The following PDE12 variants were observed in gnomAD, a reference collection of about 807,000 sequenced individuals.
PDE12 encodes the protein 2',5'-phosphodiesterase 12.
PDE12 carries 26 observed loss-of-function variants against 45.4 expected under a neutral mutation model. The ratio of observed to expected loss-of-function variants is 0.57; its 90% CI spans 0.42 to 0.79. The LOEUF (loss-of-function observed/expected upper bound fraction) is 0.79, where lower values mean the gene tolerates loss of function less well. PDE12 is among the 30% of genes least tolerant of loss of function. The probability of loss-of-function intolerance (pLI) is 0.00; values close to 1 mark genes in which losing one functional copy is unlikely to be tolerated. For missense variants in PDE12, 668 were observed against 790.0 expected, an observed-to-expected ratio of 0.85 and a Z score of 1.85; for synonymous variants, 283 against 323.9, an observed-to-expected ratio of 0.87 and a Z score of 1.36.
At chr3:57,590,145 A>G in the PDE12 span, among the ~76,000 whole-genome samples, 1 of 145,864 alleles carries the variant, frequency 6.9e-6, no homozygotes, top group Non-Finnish European at 1.5e-5. Flanking sequence ...AACAAAAAAC[A>G]AAAAAAGAAC....
rs200174473 is a variant in PDE12, at chr3:57,556,754, G to T, written c.375G>T (p.Leu125=). 89 of 1,605,194 alleles carry T rather than the reference G, an allele frequency of 5.5e-5. No homozygotes were observed. In the South Asian group the frequency reaches 7.2e-4, roughly 13 times the overall value. ...TGTTCTGCGAGCCCGTGGTGAAGCT[G>T]TACTACCGGGAAGAGGCAGTGGCTG... is the stretch of plus-strand genomic sequence containing the variant. ...PAVFCEPVVK[L]YYREEAVAED... The change falls in exon 1 of 3, where the codon CTG becomes CTT. Residue 125 remains leucine, a synonymous_variant. Transcript: ENST00000311180. The surrounding 1 kb of genome is among the most constrained non-coding windows in gnomAD (Gnocchi z 5.0).
the PDE12 span, among the ~76,000 whole-genome samples, chr3:57,588,192 A>G: frequency 6.6e-6 from 1 of 152,214 alleles, no homozygotes; most frequent in Admixed American, 6.5e-5. Context: ...AACTGTATTT[A>G]AAGATGTACT....
chr3:57,610,063 T>C, the PDE12 span, among the ~76,000 whole-genome samples: 11 of 152,188 alleles, frequency 7.2e-5, no homozygotes, highest in African/African-American at 2.7e-4. Flanking sequence ...ATCCCTGGGA[T>C]GCAAGGCTGG....
the PDE12 span, among the ~76,000 whole-genome samples, chr3:57,589,336 G>A: frequency 1.3e-4 from 20 of 152,136 alleles, no homozygotes; most frequent in African/African-American, 4.8e-4. Context: ...GCTGAGGCAG[G>A]AGGATCCCTT....
chr3:57,628,879 G>A, the PDE12 span: 3 of 1,612,220 alleles, frequency 1.9e-6, no homozygotes, highest in Admixed American at 1.7e-5. Flanking sequence ...ATCCAGAGAA[G>A]TAAGTCCTAG....
At chr3:57,642,081 G>A in the PDE12 span, among the ~76,000 whole-genome samples, 1 of 152,082 alleles carries the variant, frequency 6.6e-6, no homozygotes, top group Non-Finnish European at 1.5e-5. Context: ...TTCGGAGGCT[G>A]AGGCGGGCAG....
chr3:57,630,861 G>A, the PDE12 span: 12 of 1,610,466 alleles, frequency 7.5e-6, no homozygotes, highest in African/African-American at 1.5e-4. Flanking sequence ...GAAATTAGGA[G>A]TGGATATGTT....
the PDE12 span, among the ~76,000 whole-genome samples, chr3:57,580,390 A>G: frequency 6.6e-6 from 1 of 151,528 alleles, no homozygotes; most frequent in Non-Finnish European, 1.5e-5. Flanking sequence ...CAAACCTTCC[A>G]TTTTTTTGTT....
the PDE12 span, chr3:57,628,028 A>T: frequency 1.4e-6 from 1 of 693,218 alleles, no homozygotes. Context: ...CACCACAGAT[A>T]TCCACTTTAA....
At chr3:57,653,941 CTTTT>C in the PDE12 span, among the ~76,000 whole-genome samples, 2 of 75,820 alleles carry the variant, frequency 2.6e-5, no homozygotes, top group Non-Finnish European at 4.7e-5. Flanking sequence ...TAGAAATTCA[CTTTT>C]TTTTTTTTTT....
downstream of PDE12, among the ~76,000 whole-genome samples, chr3:57,567,819 G>A (rs956778050): frequency 1.3e-5 from 2 of 151,940 alleles, no homozygotes; most frequent in African/African-American, 2.4e-5. Flanking sequence ...GCACTTGGCC[G>A]GATGCGGTGG....
chr3:57,602,778 C>G, the PDE12 span, among the ~76,000 whole-genome samples: 1 of 149,644 alleles, frequency 6.7e-6, no homozygotes, highest in Admixed American at 6.7e-5. Flanking sequence ...ACCATGTTGG[C>G]CAGGCTGGTC....
chr3:57,610,413 G>C, the PDE12 span, among the ~76,000 whole-genome samples: 2 of 152,020 alleles, frequency 1.3e-5, no homozygotes, highest in Non-Finnish European at 2.9e-5. Flanking sequence ...ATAAATAAAG[G>C]GTATTCAATT....
chr3:57,595,088 T>TA, the PDE12 span, among the ~76,000 whole-genome samples: 8 of 152,168 alleles, frequency 5.3e-5, no homozygotes, highest in African/African-American at 1.2e-4. Flanking sequence ...TGCAGAAACT[T>TA]AAATATTTTT....
At chr3:57,558,523 C>T (rs917333470) in intron 1 of PDE12, among the ~76,000 whole-genome samples, 1 of 149,268 alleles carries the variant, frequency 6.7e-6, no homozygotes, top group Non-Finnish European at 1.5e-5. Flanking sequence ...GAGACGGAGT[C>T]TCTGTCACCT....
the PDE12 span, among the ~76,000 whole-genome samples, chr3:57,637,374 T>C: frequency 2.6e-5 from 4 of 152,192 alleles, no homozygotes; most frequent in Non-Finnish European, 4.4e-5. Context: ...AAGCAATCCC[T>C]TTATATCAGG....
chr3:57,594,054 G>A, the PDE12 span, among the ~76,000 whole-genome samples: 3 of 152,136 alleles, frequency 2.0e-5, no homozygotes, highest in Non-Finnish European at 4.4e-5. Context: ...TCAGGAGTTC[G>A]AGACTAGCCT....
In PDE12 at chr3:57,563,426, T is replaced by C. The variant is rs1450913313; in HGVS notation, c.*3422T>C. ...TGCAGATTTGTTACATAGGTATACA[T>C]GTGCCATGTTGGTTTGCTGCACCCG... is the stretch of plus-strand genomic sequence containing the variant. On this transcript the variant is annotated 3_prime_UTR_variant, in exon 3 of 3. Transcript: ENST00000311180. 6.6e-6 allele frequency: 1 copy of C among 152,220 alleles called. No homozygotes were observed. The highest frequency in any genetic ancestry group is 1.5e-5 in the Non-Finnish European group (1 of 68,038). 9.4% of individuals were successfully genotyped at this position (152,220 alleles called of 1,614,324 possible).
the PDE12 span, among the ~76,000 whole-genome samples, chr3:57,647,320 G>A: frequency 6.6e-6 from 1 of 152,108 alleles, no homozygotes; most frequent in African/African-American, 2.4e-5. Flanking sequence ...ACAGCTCATG[G>A]GTAAGGCAAA....
Sources: allele counts gnomAD v4.1 joint callset (sites outside exome capture counted in the v4.1 genomes callset), GRCh38; gene constraint gnomAD v4.1.1; non-coding constraint Gnocchi (gnomAD v3.1); transcripts MANE v1.5; gene names NCBI Gene and HGNC (gene_info 2026-07-23, HGNC 2026-07-21).